Variants in TSG101 observed in about 807,000 individuals in gnomAD.
TSG101 encodes the protein tumor susceptibility gene 101 protein.
In TSG101, 19 loss-of-function variants were observed where a neutral mutation model predicts 48.5. That is an observed-to-expected ratio of 0.39 (90% confidence interval 0.27 to 0.58). The LOEUF is 0.58. TSG101 is among the 20% of genes least tolerant of loss of function. TSG101 has a pLI of 0.55. For synonymous variants in TSG101, 174 were observed against 169.4 expected (o/e 1.03, Z -0.21); for missense variants, 365 against 484.4 (o/e 0.75, Z 2.31).
Position 18,514,697 on chromosome 11 carries a change from T to C in TSG101, c.338A>G (p.Tyr113Cys). 6.3e-7 allele frequency: 1 copy of C among 1,581,574 alleles called. No individual in the cohort carries two copies. Among genetic ancestry groups the C allele is most frequent in the South Asian group, 1.2e-5 (1 of 84,756 alleles). The change falls in exon 4 of 10, where the codon TAT becomes TGT. Residue 113 changes from tyrosine to cysteine, a missense_variant. By Grantham distance (194) the Tyr-to-Cys change is radical. Coordinates refer to ENST00000251968, the MANE Select transcript of TSG101 (RefSeq NM_006292.4). ...ACTTACGTGTTTCCATTCATGTAGA[T>C]AAGGAAGATATATCTTCCCATTTGC... ...VDANGKIYLP[Y>C]LHEWKHPQSD...
intron 6 of TSG101, among the ~76,000 whole-genome samples, chr11:18,503,829 C>T (rs1849926751): frequency 6.6e-6 from 1 of 152,276 alleles, no homozygotes; most frequent in East Asian, 1.9e-4. Flanking sequence ...GACAATAAAT[C>T]TCAATTAATC....
rs533598726 is a variant in TSG101, at chr11:18,502,438, G to T, written c.640+48C>A. On this transcript the variant is annotated intron_variant, in intron 7 of 9. Transcript: ENST00000251968. Reference sequence around the variant, plus strand: ...TGAAATGTGCTTTTCACAACAGGGAGTTAGACTTTGCTTATATGGTGAAAC... The same window carrying T: ...TGAAATGTGCTTTTCACAACAGGGATTTAGACTTTGCTTATATGGTGAAAC... The T allele has an allele frequency of 9.0e-5, 135 of 1,496,090 alleles. 2 individuals carry two copies. The South Asian group carries it at 1.5e-3, about 16-fold the overall frequency. 92.7% of individuals were successfully genotyped at this position (1,496,090 alleles called of 1,614,324 possible). A position where few individuals can be genotyped will look rare whatever the true frequency, so the allele number is the denominator to read the frequency against.
At chr11:18,512,723 ATT>A (rs776263228) in intron 4 of TSG101, among the ~76,000 whole-genome samples, 9 of 120,324 alleles carry the variant, frequency 7.5e-5, no homozygotes, top group African/African-American at 1.2e-4. Context: ...GGACAGACAG[ATT>A]TTTTTTTTTT....
intron 8 of TSG101, 48 bp from the exon 9 acceptor site, chr11:18,481,917 C>T: frequency 1.9e-6 from 3 of 1,594,940 alleles, no homozygotes; most frequent in Non-Finnish European, 2.6e-6. Context: ...TAATTATCCA[C>T]TTGTCAGACA....
At chr11:18,521,911 C>G (rs578006383) in intron 1 of TSG101, among the ~76,000 whole-genome samples, 2 of 152,204 alleles carry the variant, frequency 1.3e-5, no homozygotes, top group South Asian at 2.1e-4. Context: ...TTTCTAGACT[C>G]AAGCAATCTG....
At chr11:18,510,783 A>G (rs1047699256) in intron 4 of TSG101, among the ~76,000 whole-genome samples, 2 of 152,196 alleles carry the variant, frequency 1.3e-5, no homozygotes, top group East Asian at 3.9e-4. Flanking sequence ...TTAACTGTAC[A>G]TGGTGGCATG....
At chr11:18,483,235 C>T (rs1281609631) in intron 8 of TSG101, among the ~76,000 whole-genome samples, 1 of 152,192 alleles carries the variant, frequency 6.6e-6, no homozygotes, top group East Asian at 1.9e-4. Flanking sequence ...TGGCTCACTC[C>T]TGTAATCCCA....
chr11:18,503,675 A>G (rs1007644023), intron 6 of TSG101, among the ~76,000 whole-genome samples: 8 of 151,966 alleles, frequency 5.3e-5, no homozygotes. Context: ...CCCAGCCCTA[A>G]CTATTCTTAA....
At chr11:18,484,632 A>C (rs548746825) in intron 7 of TSG101, among the ~76,000 whole-genome samples, 202 of 152,380 alleles carry the variant, frequency 1.3e-3, no homozygotes, top group African/African-American at 4.7e-3. Flanking sequence ...ATGACATCCA[A>C]AAAATTCAAC....
Position 18,480,514 on chromosome 11 carries a change from A to T in TSG101, c.*32T>A. 3 of 1,573,812 alleles carry T rather than the reference A, an allele frequency of 1.9e-6. No individual in the cohort carries two copies. The highest frequency in any genetic ancestry group is 2.6e-6 in the Non-Finnish European group (3 of 1,146,572). ...AAAAGGAAGAGAAGAATACTTTAAG[A>T]AGAGCTCAACCTCCAGCTGGTATCA... On this transcript the variant is annotated 3_prime_UTR_variant, in exon 10 of 10. Transcript: ENST00000251968.
intron 9 of TSG101, 35 bp from the exon 10 acceptor site, chr11:18,480,670 G>T: frequency 6.3e-7 from 1 of 1,591,600 alleles, no homozygotes; most frequent in Non-Finnish European, 8.6e-7. Flanking sequence ...AGTTTAGAAT[G>T]GCTTTGATTT....
intron 7 of TSG101, among the ~76,000 whole-genome samples, chr11:18,494,818 C>T (rs952196561): frequency 1.3e-5 from 2 of 152,092 alleles, no homozygotes; most frequent in African/African-American, 4.8e-5. Flanking sequence ...GTAGGCCAAA[C>T]ACTTAATCTA....
At chr11:18,503,026 C>T (rs144047883) in intron 6 of TSG101, among the ~76,000 whole-genome samples, 2 of 152,236 alleles carry the variant, frequency 1.3e-5, no homozygotes, top group African/African-American at 4.8e-5. Context: ...CTTTTGATAA[C>T]ATTCGTACCA....
chr11:18,504,258 G>C lies in TSG101; in HGVS notation c.549-1681C>G, dbSNP rs1209892582. Among the ~76,000 whole-genome samples, 9 of 149,768 alleles carry C rather than the reference G, an allele frequency of 6.0e-5. No homozygotes were observed. In the East Asian group the frequency reaches 1.8e-3, roughly 30 times the overall value. On this transcript the variant is annotated intron_variant, in intron 6 of 9. Transcript: ENST00000251968. Reference sequence around the variant, plus strand: ...ACACTGGAGCAAGAGCTCCTTCTGAGTTTATCGTCAATAATCCTTTTTCAA... The same window carrying C: ...ACACTGGAGCAAGAGCTCCTTCTGACTTTATCGTCAATAATCCTTTTTCAA...
At chr11:18,514,322 CCTA>C (rs771746194) in intron 4 of TSG101, among the ~76,000 whole-genome samples, 8 of 152,132 alleles carry the variant, frequency 5.3e-5, no homozygotes, top group Non-Finnish European at 8.8e-5. Context: ...ACAGAAGTTC[CCTA>C]CTATTATTCT....
At position 18,505,708 on chromosome 11, in the gene TSG101, G is replaced by A. The variant is rs142125204; in HGVS notation, c.548+1149C>T. On this transcript the variant is annotated intron_variant, in intron 6 of 9. Transcript: ENST00000251968. ...TGTTATTACTAAATGGATAATAAAGGTTGATAGTACAGGTAGTCTATGAAC... is the reference window on the plus strand; with the variant it reads ...TGTTATTACTAAATGGATAATAAAGATTGATAGTACAGGTAGTCTATGAAC... Among the ~76,000 whole-genome samples the A allele has an allele frequency of 1.4e-3, 213 of 152,250 alleles. 1 individual carries two copies. The highest frequency in any genetic ancestry group is 4.7e-3 in the African/African-American group (194 of 41,550).
intron 7 of TSG101, among the ~76,000 whole-genome samples, chr11:18,488,864 A>G (rs2133906193): frequency 6.6e-6 from 1 of 152,236 alleles, no homozygotes; most frequent in African/African-American, 2.4e-5. Context: ...AGTGGCTCAC[A>G]CCTGCAATTC....
In TSG101 at chr11:18,486,840, T is replaced by A. The variant is rs561453713; in HGVS notation, c.641-2768A>T. 5.9e-5 allele frequency among the ~76,000 whole-genome samples: 9 copies of A among 152,262 alleles called. No homozygotes were observed. The South Asian group carries it at 1.9e-3, about 32-fold the overall frequency. On this transcript the variant is annotated intron_variant, in intron 7 of 9. Transcript: ENST00000251968. ...ACACATATGTTTATTGCAGCACTGT[T>A]CACAATAGCAAAGACTTGGAACCAA...
chr11:18,499,381 AATATAT>A (rs1229188041), intron 7 of TSG101, among the ~76,000 whole-genome samples: 16 of 12,290 alleles, frequency 1.3e-3, no homozygotes, highest in African/African-American at 3.9e-3. Flanking sequence ...TTTATATTTA[AATATAT>A]ATATATATAT....
Sources: allele counts gnomAD v4.1 joint callset (sites outside exome capture counted in the v4.1 genomes callset), GRCh38; gene constraint gnomAD v4.1.1; transcripts MANE v1.5; gene names NCBI Gene and HGNC (gene_info 2026-07-23, HGNC 2026-07-21).